Variants in MAD1L1 observed in about 807,000 individuals in gnomAD.
MAD1L1 encodes the protein mitotic arrest deficient 1 like 1, also known as mitotic spindle assembly checkpoint protein MAD1.
MAD1L1 carries 95 observed loss-of-function variants against 96.9 expected under a neutral mutation model. That is an observed-to-expected ratio of 0.98 (90% CI 0.83 to 1.16). MAD1L1 has a LOEUF of 1.16. MAD1L1 is among the 50% of genes most tolerant of loss of function. MAD1L1 has a pLI of 0.00. For missense variants in MAD1L1, 1,007 were observed against 954.4 expected, an observed-to-expected ratio of 1.06 and a Z score of -0.73; for synonymous variants, 473 against 396.6, an observed-to-expected ratio of 1.19 and a Z score of -2.29.
intron 15 of MAD1L1, among the ~76,000 whole-genome samples, chr7:1,974,591 A>G (rs572137538): frequency 6.6e-6 from 1 of 152,400 alleles, no homozygotes; most frequent in Non-Finnish European, 1.5e-5. Context: ...AAGCTGAGAA[A>G]ATACAGAAGG....
chr7:2,138,398 G>A (rs1788861719), intron 11 of MAD1L1, among the ~76,000 whole-genome samples: 1 of 152,192 alleles, frequency 6.6e-6, no homozygotes, highest in Admixed American at 6.5e-5. Context: ...ATGAAATGAG[G>A]CATCCTGAGA....
At position 1,938,275 on chromosome 7, in the gene MAD1L1, C is replaced by T. The variant is rs924164646; in HGVS notation, c.1597-1378G>A. 2.6e-5 allele frequency among the ~76,000 whole-genome samples: 4 copies of T among 151,482 alleles called. No homozygotes were observed. In the East Asian group the frequency reaches 5.8e-4, roughly 22 times the overall value. ...GCCACACACAAACAACAGCCGCCCA[C>T]GGCAGGGAGGTGCAGGGTCACTGCA... On this transcript the variant is annotated intron_variant, in intron 16 of 18. Transcript: ENST00000265854.
At chr7:2,223,879 A>T (rs1049915237) in intron 4 of MAD1L1, among the ~76,000 whole-genome samples, 5 of 152,138 alleles carry the variant, frequency 3.3e-5, no homozygotes, top group African/African-American at 1.2e-4. Flanking sequence ...AACTCCAAGG[A>T]ACAATTGGAA....
At chr7:1,817,748 C>G (rs979966460) in intron 18 of MAD1L1, among the ~76,000 whole-genome samples, 2 of 152,090 alleles carry the variant, frequency 1.3e-5, no homozygotes, top group Admixed American at 1.3e-4. Context: ...TTTTGGAAAG[C>G]GCTCCCTCCG....
chr7:2,036,253 A>G (rs1176147532), intron 12 of MAD1L1, among the ~76,000 whole-genome samples: 1 of 61,698 alleles, frequency 1.6e-5, no homozygotes. Context: ...GCGCGGGAGC[A>G]CTGACAAGTC....
intron 11 of MAD1L1, among the ~76,000 whole-genome samples, chr7:2,115,463 AGAG>A (rs1173436272): frequency 6.8e-6 from 1 of 147,060 alleles, no homozygotes; most frequent in African/African-American, 2.6e-5. Context: ...TTCCGGGGTC[AGAG>A]GAGGCTGGAC....
chr7:2,179,251 C>T (rs547485266), intron 10 of MAD1L1, among the ~76,000 whole-genome samples: 1 of 152,134 alleles, frequency 6.6e-6, no homozygotes, highest in Non-Finnish European at 1.5e-5. Flanking sequence ...CAGTCTAGAC[C>T]GGGCACGGTG....
chr7:1,945,402 C>A (rs988809789), intron 16 of MAD1L1, among the ~76,000 whole-genome samples: 1 of 152,246 alleles, frequency 6.6e-6, no homozygotes, highest in Non-Finnish European at 1.5e-5. Flanking sequence ...GCTCCTGGGG[C>A]TTAAACCAGG....
At position 2,014,646 on chromosome 7, in the gene MAD1L1, T is replaced by C. The variant is rs772868793; in HGVS notation, c.1219-4A>G. 5.0e-6 allele frequency: 8 copies of C among 1,606,702 alleles called. No individual in the cohort carries two copies. The East Asian group carries it at 1.8e-4, about 36-fold the overall frequency. On this transcript the variant is annotated splice_polypyrimidine_tract_variant and splice_region_variant and intron_variant, in intron 12 of 18. Coordinates refer to ENST00000265854, the MANE Select transcript of MAD1L1 (RefSeq NM_001013836.2). ...TGGCCCGCATACCGTCCCGCTCCTGTGGACACAGAGGGCAGCTGATCAGGA... is the reference window on the plus strand; with the variant it reads ...TGGCCCGCATACCGTCCCGCTCCTGCGGACACAGAGGGCAGCTGATCAGGA...
rs745341384 is a variant in MAD1L1 at position 2,134,169 on chromosome 7, C to T, written c.1073+14983G>A. 2.0e-5 allele frequency among the ~76,000 whole-genome samples: 3 copies of T among 152,206 alleles called. No homozygotes were observed. The East Asian group carries it at 5.8e-4, about 29-fold the overall frequency. ...CATAGAATGCCGCTGCATTGATTTA[C>T]GGCTTTGATTTCTTTCATCAGGTCT... On this transcript the variant is annotated intron_variant, in intron 11 of 18. Transcript: ENST00000265854.
chr7:2,066,077 T>C (rs1205425131), intron 12 of MAD1L1, among the ~76,000 whole-genome samples: 1 of 152,190 alleles, frequency 6.6e-6, no homozygotes, highest in East Asian at 1.9e-4. Context: ...TCAGTAACAA[T>C]TAAATCCTTA....
chr7:2,047,967 C>T (rs1784003235), intron 12 of MAD1L1, among the ~76,000 whole-genome samples: 2 of 152,246 alleles, frequency 1.3e-5, no homozygotes, highest in African/African-American at 4.8e-5. Context: ...TGCACACTCA[C>T]ATGATCACAT....
rs527694986 is a variant in MAD1L1, at chr7:2,001,864, CG to C, written c.1416+200del. 3.3e-3 allele frequency among the ~76,000 whole-genome samples: 506 copies of C among 152,350 alleles called. 2 individuals carry two copies. The highest frequency in any genetic ancestry group is 5.2e-3 in the Non-Finnish European group (355 of 68,030). On this transcript the variant is annotated intron_variant, in intron 14 of 18. Coordinates refer to ENST00000265854, the MANE Select transcript of MAD1L1 (RefSeq NM_001013836.2). Reference sequence around the variant, plus strand: ...GTGGGGCCCGAGGGGCTGTGCTCCCCGCCGGCGCATGCCACCTGTCACTAGT... The same window carrying C: ...GTGGGGCCCGAGGGGCTGTGCTCCCCCCGGCGCATGCCACCTGTCACTAGT...
At chr7:1,988,062 G>A (rs1433574674) in intron 14 of MAD1L1, among the ~76,000 whole-genome samples, 3 of 152,230 alleles carry the variant, frequency 2.0e-5, no homozygotes, top group Non-Finnish European at 4.4e-5. Context: ...TGAGAGGCGA[G>A]GAGCGGCAGG....
chr7:1,869,815 C>A (rs1784956279), intron 18 of MAD1L1, among the ~76,000 whole-genome samples: 3 of 152,194 alleles, frequency 2.0e-5, no homozygotes, highest in African/African-American at 7.2e-5. Flanking sequence ...CCACACCACA[C>A]CTAGACTGGG....
intron 14 of MAD1L1, among the ~76,000 whole-genome samples, chr7:1,997,423 C>G (rs1781605031): frequency 6.6e-6 from 1 of 152,236 alleles, no homozygotes; most frequent in Non-Finnish European, 1.5e-5. Context: ...GACAAGGGAG[C>G]CCCTTCCCCA....
At chr7:1,935,732 A>C (rs1279780970) in intron 17 of MAD1L1, among the ~76,000 whole-genome samples, 1 of 152,244 alleles carries the variant, frequency 6.6e-6, no homozygotes, top group East Asian at 1.9e-4. Flanking sequence ...GGGAAGAAAC[A>C]GAAGAAGGTA....
In MAD1L1 at chr7:1,968,613, T is replaced by C. The variant is rs1163375978; in HGVS notation, c.1506-10894A>G. ...GCCTCAGTCCGGCAGTCAGGTCCGCTGTCAACGCCTCAGTCCAGCGGTCAG... is the reference window on the plus strand; with the variant it reads ...GCCTCAGTCCGGCAGTCAGGTCCGCCGTCAACGCCTCAGTCCAGCGGTCAG... On this transcript the variant is annotated intron_variant, in intron 15 of 18. Transcript: ENST00000265854. This position sits in a 1 kb window ranked among gnomAD's most constrained non-coding sequence, Gnocchi z 5.6. Among the ~76,000 whole-genome samples, 1 of 150,460 alleles carries C rather than the reference T, an allele frequency of 6.6e-6. No homozygotes were observed. The highest frequency in any genetic ancestry group is 1.5e-5 in the Non-Finnish European group (1 of 67,508).
intron 17 of MAD1L1, among the ~76,000 whole-genome samples, chr7:1,924,649 C>T (rs1357682622): frequency 6.6e-6 from 1 of 152,166 alleles, no homozygotes; most frequent in Non-Finnish European, 1.5e-5. Flanking sequence ...GAAATGATCC[C>T]AGGGGAACCC....
Sources: allele counts gnomAD v4.1 joint callset (sites outside exome capture counted in the v4.1 genomes callset), GRCh38; gene constraint gnomAD v4.1.1; non-coding constraint Gnocchi (gnomAD v3.1); transcripts MANE v1.5; gene names NCBI Gene and HGNC (gene_info 2026-07-23, HGNC 2026-07-21).